EDEM1: variants seen among roughly 807,000 people sequenced by gnomAD.
The protein encoded by EDEM1 is ER degradation enhancing alpha-mannosidase like protein 1, also known as ER degradation-enhancing alpha-mannosidase-like protein 1.
A neutral mutation model predicts 74.4 loss-of-function variants in EDEM1; 67 were observed. That is an observed-to-expected ratio of 0.90 (90% confidence interval 0.74 to 1.10). The LOEUF (loss-of-function observed/expected upper bound fraction) is 1.10, where lower values mean the gene tolerates loss of function less well. Among genes scored for constraint, EDEM1 ranks in the 50% least tolerant of loss-of-function variants. The pLI, the probability that EDEM1 is intolerant of heterozygous loss-of-function variation, is 0.00. For synonymous variants in EDEM1, 382 were observed against 335.9 expected (o/e 1.14, Z -1.50); for missense variants, 926 against 851.6 (o/e 1.09, Z -1.09).
At chr3:5,207,567 C>T (rs1259196291) in intron 7 of EDEM1, among the ~76,000 whole-genome samples, 4 of 152,126 alleles carry the variant, frequency 2.6e-5, no homozygotes, top group Admixed American at 1.3e-4. Flanking sequence ...AGTGCAGTGG[C>T]GCAATCTTGG....
Position 5,205,074 on chromosome 3 carries a change from C to A in EDEM1, c.1050C>A (p.Val350=). The A allele has an allele frequency of 6.2e-7, 1 of 1,613,820 alleles. No individual in the cohort carries two copies. The highest frequency in any genetic ancestry group is 8.5e-7 in the Non-Finnish European group (1 of 1,179,850). The change falls in exon 6 of 12, where the codon GTC becomes GTA. Residue 350 remains valine, a synonymous_variant. Coordinates refer to ENST00000256497, the MANE Select transcript of EDEM1 (RefSeq NM_014674.3). ...CCTTGTTTATTTTTGCAGGCAATGT[C>A]GTGAACATTCAGACGGGCCACTGGG... The part of the protein sequence containing the change: ...RSNDTGLLGN[V]VNIQTGHWVG...
chr3:5,205,180 AAAG>A lies in EDEM1; in HGVS notation c.1161_1163del (p.Glu387del). On this transcript the variant is annotated inframe_deletion, in exon 6 of 12. Coordinates refer to ENST00000256497, the MANE Select transcript of EDEM1 (RefSeq NM_014674.3). ...GAAATCTTACATTCTCTTTGGAGAA[AAAG>A]AAGACCTAGAAATGTTTAATGCTGC... 2.5e-6 allele frequency: 4 copies of A among 1,614,254 alleles called. No individual in the cohort carries two copies. Among genetic ancestry groups the A allele is most frequent in the Non-Finnish European group, 2.5e-6 (3 of 1,180,042 alleles).
At chr3:5,199,536 T>C in intron 2 of EDEM1, 56 bp from the exon 3 acceptor site, 1 of 1,337,636 alleles carries the variant, frequency 7.5e-7, no homozygotes, top group Non-Finnish European at 1.1e-6. Context: ...GCTGTGATGA[T>C]ACAGCCTCAG....
intron 8 of EDEM1, among the ~76,000 whole-genome samples, chr3:5,209,419 C>G (rs1049353144): frequency 1.3e-5 from 2 of 152,158 alleles, no homozygotes; most frequent in African/African-American, 4.8e-5. Context: ...CTGCTTCTTT[C>G]ATGTTTTCCG....
intron 2 of EDEM1, among the ~76,000 whole-genome samples, chr3:5,195,777 A>G (rs751133789): frequency 1.3e-5 from 2 of 152,226 alleles, no homozygotes; most frequent in African/African-American, 2.4e-5. Flanking sequence ...TGGACACTCC[A>G]TGCCTGAGCT....
Sources: gnomAD v4.1 joint callset for allele counts (sites outside exome capture counted in the v4.1 genomes callset) on GRCh38, gnomAD v4.1.1 for gene constraint, MANE v1.5 for transcripts, NCBI Gene and HGNC (gene_info 2026-07-23, HGNC 2026-07-21) for gene names.